Variants in NKAIN3 observed in about 807,000 individuals in gnomAD.
The protein encoded by NKAIN3 is sodium/potassium-transporting ATPase subunit beta-1-interacting protein 3.
Under a neutral mutation model 30.2 loss-of-function variants are expected in NKAIN3, and 25 were observed. The observed-to-expected ratio is 0.83, with a 90% confidence interval of 0.60 to 1.16. The LOEUF is 1.16. Among genes scored for constraint, NKAIN3 ranks in the 50% most tolerant of loss-of-function variants. The pLI is 0.00. For missense variants in NKAIN3, 225 were observed against 254.1 expected, an observed-to-expected ratio of 0.89 and a Z score of 0.78; for synonymous variants, 91 against 89.6, an observed-to-expected ratio of 1.02 and a Z score of -0.09.
chr8:62,990,209 A>G, intron 5 of NKAIN3: 1 of 1,550,798 alleles, frequency 6.4e-7, no homozygotes. Context: ...TTTTATCCAG[A>G]TGCTGCAAAT....
At chr8:62,316,971 A>G (rs1416875390) in intron 1 of NKAIN3, among the ~76,000 whole-genome samples, 2 of 152,130 alleles carry the variant, frequency 1.3e-5, no homozygotes, top group African/African-American at 4.8e-5. Context: ...CGCCATTCTA[A>G]CTGGTGTGAA....
At chr8:62,688,665 G>A (rs747318764) in intron 3 of NKAIN3, among the ~76,000 whole-genome samples, 4 of 152,056 alleles carry the variant, frequency 2.6e-5, no homozygotes, top group African/African-American at 4.8e-5. Flanking sequence ...TTAGTATAAA[G>A]AGAGCACATG....
intron 3 of NKAIN3, among the ~76,000 whole-genome samples, chr8:62,612,280 A>G (rs1013112273): frequency 5.3e-5 from 8 of 151,868 alleles, no homozygotes; most frequent in African/African-American, 1.9e-4. Flanking sequence ...TTTCCTTTCT[A>G]TATCTGGGTG....
intron 5 of NKAIN3, among the ~76,000 whole-genome samples, chr8:62,943,140 A>G (rs1823015049): frequency 6.6e-6 from 1 of 152,178 alleles, no homozygotes; most frequent in Admixed American, 6.5e-5. Context: ...TATGCATCTG[A>G]CAAACGACTA....
At chr8:62,386,912 T>C (rs976321803) in intron 1 of NKAIN3, among the ~76,000 whole-genome samples, 8 of 119,502 alleles carry the variant, frequency 6.7e-5, no homozygotes, top group Non-Finnish European at 1.1e-4. Context: ...CGAATTGATA[T>C]ATGAGAGAGA....
Position 62,918,518 on chromosome 8 carries a change from G to A in NKAIN3, c.532+5G>A. The A allele has an allele frequency of 6.2e-7, 1 of 1,603,420 alleles. No individual in the cohort carries two copies. Among genetic ancestry groups the A allele is most frequent in the Non-Finnish European group, 8.5e-7 (1 of 1,170,574 alleles). ...CCATGGAAGAAGAAGACACATGTAA[G>A]TACTGTTTTCTCTCTCCCTGTGGGT... On this transcript the variant is annotated splice_donor_5th_base_variant and intron_variant, in intron 5 of 6. Coordinates refer to ENST00000623646, the MANE Select transcript of NKAIN3 (RefSeq NM_001304533.3).
chr8:62,902,265 C>T (rs776143695), intron 4 of NKAIN3, among the ~76,000 whole-genome samples: 15 of 152,174 alleles, frequency 9.9e-5, no homozygotes, highest in Non-Finnish European at 1.9e-4. Context: ...AGTCCAAATG[C>T]TCTAGTAAGC....
intron 1 of NKAIN3, among the ~76,000 whole-genome samples, chr8:62,345,298 T>TATATACACATATATGTATATGTACAC (rs1356364594): frequency 7.6e-6 from 1 of 131,802 alleles, no homozygotes; most frequent in African/African-American, 2.8e-5. Context: ...TATACACACA[T>TATATACACATATATGTATATGTACAC]ATATATGTAT....
At chr8:62,712,426 G>C (rs1438582908) in intron 3 of NKAIN3, among the ~76,000 whole-genome samples, 1 of 152,112 alleles carries the variant, frequency 6.6e-6, no homozygotes, top group Non-Finnish European at 1.5e-5. Context: ...TGCTGTGGAG[G>C]ATGGGGGTAA....
chr8:62,768,409 G>T (rs534391477), intron 4 of NKAIN3, among the ~76,000 whole-genome samples: 5 of 152,274 alleles, frequency 3.3e-5, no homozygotes, highest in Admixed American at 3.3e-4. Context: ...TAATCTTTCT[G>T]TGCTTAATGA....
intron 1 of NKAIN3, among the ~76,000 whole-genome samples, chr8:62,316,299 C>A (rs944296603): frequency 6.6e-6 from 1 of 151,900 alleles, no homozygotes; most frequent in Non-Finnish European, 1.5e-5. Flanking sequence ...TTTTATTATA[C>A]TTTAAGTTTT....
chr8:62,711,138 AC>A (rs1814705040), intron 3 of NKAIN3, among the ~76,000 whole-genome samples: 1 of 152,094 alleles, frequency 6.6e-6, no homozygotes, highest in African/African-American at 2.4e-5. Context: ...TTTATAGGTT[AC>A]CTGGTACTTC....
intron 5 of NKAIN3, among the ~76,000 whole-genome samples, chr8:62,949,718 T>C (rs1411498298): frequency 8.0e-6 from 1 of 125,740 alleles, no homozygotes; most frequent in African/African-American, 3.2e-5. Flanking sequence ...CCCTTAATTG[T>C]GTTGCTTTTT....
At chr8:62,933,709 T>C (rs183242677) in intron 5 of NKAIN3, among the ~76,000 whole-genome samples, 1 of 152,354 alleles carries the variant, frequency 6.6e-6, no homozygotes, top group Admixed American at 6.5e-5. Context: ...TCCAAAGATC[T>C]GGACTCACAG....
At chr8:62,279,046 T>C (rs1813074904) in intron 1 of NKAIN3, among the ~76,000 whole-genome samples, 1 of 152,078 alleles carries the variant, frequency 6.6e-6, no homozygotes, top group Non-Finnish European at 1.5e-5. Context: ...CCTGTTGTTT[T>C]CTGACTTTTT....
At position 62,575,049 on chromosome 8, in the gene NKAIN3, A is replaced by G. The variant is rs531341688; in HGVS notation, c.55-4490A>G. On this transcript the variant is annotated intron_variant, in intron 1 of 6. Transcript: ENST00000623646. The stretch of plus-strand genomic sequence containing the variant: ...GGGAGAAACTGAAAGTGTTTCCTCT[A>G]AAACCTGGAACTCAACAAGCATGCC... Among the ~76,000 whole-genome samples, 18 of 152,242 alleles carry G rather than the reference A, an allele frequency of 1.2e-4. 1 individual carries two copies. The South Asian group carries it at 3.3e-3, about 28-fold the overall frequency.
At chr8:62,501,987 TG>T (rs1215979819) in intron 1 of NKAIN3, among the ~76,000 whole-genome samples, 1 of 152,148 alleles carries the variant, frequency 6.6e-6, no homozygotes, top group African/African-American at 2.4e-5. Context: ...AGATTTAAAG[TG>T]TTTCCAATTT....
chr8:62,671,359 A>C (rs892478940), intron 3 of NKAIN3, among the ~76,000 whole-genome samples: 3 of 152,182 alleles, frequency 2.0e-5, no homozygotes, highest in Admixed American at 2.0e-4. Flanking sequence ...AAACATAAAA[A>C]CTTAGTGCCG....
At chr8:62,864,772 A>G (rs887942986) in intron 4 of NKAIN3, among the ~76,000 whole-genome samples, 1 of 152,166 alleles carries the variant, frequency 6.6e-6, no homozygotes, top group Non-Finnish European at 1.5e-5. Context: ...TCCCCTGGAT[A>G]CACGGAATGC....
Sources: gnomAD v4.1 joint callset for allele counts (sites outside exome capture counted in the v4.1 genomes callset) on GRCh38, gnomAD v4.1.1 for gene constraint, MANE v1.5 for transcripts, NCBI Gene and HGNC (gene_info 2026-07-23, HGNC 2026-07-21) for gene names.